NNMT: variants seen among roughly 807,000 people sequenced by gnomAD.
NNMT encodes nicotinamide N-methyltransferase.
In NNMT, 10 loss-of-function variants were observed where a neutral mutation model predicts 11.7. The ratio of observed to expected loss-of-function variants is 0.85; its 90% CI spans 0.53 to 1.45. The LOEUF (loss-of-function observed/expected upper bound fraction) is 1.45, where lower values mean the gene tolerates loss of function less well. Among genes scored for constraint, NNMT ranks in the 40% most tolerant of loss-of-function variants. The probability of loss-of-function intolerance (pLI) is 0.00; values close to 1 mark genes in which losing one functional copy is unlikely to be tolerated. For synonymous variants in NNMT, 143 were observed against 133.8 expected (o/e 1.07, Z -0.48); for missense variants, 381 against 319.4 (o/e 1.19, Z -1.47).
intron 2 of NNMT, among the ~76,000 whole-genome samples, chr11:114,288,966 T>C (rs1945317110): frequency 6.6e-6 from 1 of 152,182 alleles, no homozygotes; most frequent in African/African-American, 2.4e-5. Context: ...TATTTTCTCT[T>C]TTTGTATTCT....
chr11:114,282,732 A>G (rs1052336598), intron 2 of NNMT, among the ~76,000 whole-genome samples: 15 of 152,184 alleles, frequency 9.9e-5, no homozygotes, highest in African/African-American at 3.4e-4. Context: ...AGAGAATCCA[A>G]TGGAAGGCTC....
intron 2 of NNMT, among the ~76,000 whole-genome samples, chr11:114,284,602 T>TACAG (rs1272482521): frequency 1.3e-5 from 2 of 151,938 alleles, no homozygotes; most frequent in Non-Finnish European, 2.9e-5. Flanking sequence ...TAGCTGGGAC[T>TACAG]ACAGGCATGT....
At chr11:114,292,910 C>G (rs910855308), upstream of NNMT, among the ~76,000 whole-genome samples, 2 of 152,058 alleles carry the variant, frequency 1.3e-5, no homozygotes, top group Non-Finnish European at 2.9e-5. Flanking sequence ...GGCACATTTC[C>G]CAAGGTAAGG....
chr11:114,264,115 G>A (rs1945103173), intron 2 of NNMT, among the ~76,000 whole-genome samples: 1 of 151,878 alleles, frequency 6.6e-6, no homozygotes, highest in Admixed American at 6.6e-5. Context: ...CAAGCCCTTT[G>A]CTCCTGTGCT....
chr11:114,271,135 G>A (rs1406074719), intron 2 of NNMT, among the ~76,000 whole-genome samples: 1 of 152,136 alleles, frequency 6.6e-6, no homozygotes, highest in Non-Finnish European at 1.5e-5. Flanking sequence ...GGGGCCAAGG[G>A]GTTCAACATA....
At chr11:114,278,224 G>A (rs978707836) in intron 2 of NNMT, among the ~76,000 whole-genome samples, 5 of 152,060 alleles carry the variant, frequency 3.3e-5, no homozygotes, top group Non-Finnish European at 7.4e-5. Flanking sequence ...TTCACACGGC[G>A]AGAGAGGGAG....
intron 2 of NNMT, among the ~76,000 whole-genome samples, chr11:114,287,085 T>C (rs1945305630): frequency 6.6e-6 from 1 of 152,228 alleles, no homozygotes; most frequent in African/African-American, 2.4e-5. Context: ...TTGTTTTCTT[T>C]ATTTTCATAT....
At chr11:114,294,450 C>A (rs553146336), upstream of NNMT, among the ~76,000 whole-genome samples, 4 of 139,118 alleles carry the variant, frequency 2.9e-5, no homozygotes, top group African/African-American at 1.1e-4. Flanking sequence ...TGCACTCCAG[C>A]CTGGGTGACA....
chr11:114,296,855 T>C (rs1271704691), intron 1 of NNMT, 145 bp downstream of exon 1: 10 of 775,916 alleles, frequency 1.3e-5, no homozygotes, highest in Admixed American at 2.4e-5. Context: ...AAACGAATAT[T>C]GGTATAGCGA....
intron 2 of NNMT, among the ~76,000 whole-genome samples, chr11:114,289,311 T>C (rs1370366004): frequency 2.0e-5 from 3 of 152,216 alleles, no homozygotes; most frequent in Non-Finnish European, 4.4e-5. Flanking sequence ...AGAAATTTGT[T>C]AATTGTATTT....
At chr11:114,298,342 G>C in intron 2 of NNMT, 184 bp downstream of exon 2, 1 of 585,090 alleles carries the variant, frequency 1.7e-6, no homozygotes, top group Non-Finnish European at 3.0e-6. Context: ...GTATGTGCAC[G>C]TGCATGTGTG....
At chr11:114,295,210 G>A (rs1945363723), upstream of NNMT, among the ~76,000 whole-genome samples, 1 of 152,144 alleles carries the variant, frequency 6.6e-6, no homozygotes, top group South Asian at 2.1e-4. Flanking sequence ...CCCAAGGTGG[G>A]ACACCCGGCA....
chr11:114,277,930 C>T (rs1945226492), intron 2 of NNMT, among the ~76,000 whole-genome samples: 1 of 152,214 alleles, frequency 6.6e-6, no homozygotes, highest in South Asian at 2.1e-4. Flanking sequence ...CATTCTGCCT[C>T]ATGCACCTAC....
chr11:114,279,087 C>T lies in NNMT; in HGVS notation c.-130+16153C>T, dbSNP rs143724279. ...ACCTGGTGTTAGTTATGTGAACATT[C>T]ACATTGGGAGACTATTGGCTCCTTT... On this transcript the variant is annotated intron_variant, in intron 2 of 4. Transcript: ENST00000535401. Among the ~76,000 whole-genome samples, 74 of 152,252 alleles carry T rather than the reference C, an allele frequency of 4.9e-4. No homozygotes were observed. The South Asian group carries it at 0.015, about 31-fold the overall frequency.
upstream of NNMT, chr11:114,296,361 C>T: frequency 3.5e-6 from 2 of 577,030 alleles, no homozygotes; most frequent in Non-Finnish European, 6.0e-6. Flanking sequence ...TCATCATTTC[C>T]TAGAACAGCC....
At chr11:114,261,451 G>A (rs944754046) in intron 1 of NNMT, among the ~76,000 whole-genome samples, 3 of 152,194 alleles carry the variant, frequency 2.0e-5, no homozygotes, top group South Asian at 4.1e-4. Flanking sequence ...GGGTGTGGTG[G>A]TGCATGCCTG....
intron 1 of NNMT, among the ~76,000 whole-genome samples, chr11:114,260,878 A>G (rs1376357233): frequency 6.6e-6 from 1 of 152,220 alleles, no homozygotes; most frequent in Non-Finnish European, 1.5e-5. Context: ...GTTTGAGGCC[A>G]GCTCTGCTGT....
intron 2 of NNMT, among the ~76,000 whole-genome samples, chr11:114,289,336 C>A (rs1474935243): frequency 1.3e-5 from 2 of 152,276 alleles, no homozygotes; most frequent in Non-Finnish European, 2.9e-5. Flanking sequence ...TTTCAGAGAA[C>A]CAACTTTTGG....
intron 2 of NNMT, among the ~76,000 whole-genome samples, chr11:114,277,589 C>A (rs185473780): frequency 1.8e-4 from 28 of 152,228 alleles, no homozygotes; most frequent in Middle Eastern, 3.4e-3. Flanking sequence ...GGGTGAAGAG[C>A]AGGAATTCCC....
Sources: gnomAD v4.1 joint callset for allele counts (sites outside exome capture counted in the v4.1 genomes callset) on GRCh38, gnomAD v4.1.1 for gene constraint, MANE v1.5 for transcripts, NCBI Gene and HGNC (gene_info 2026-07-23, HGNC 2026-07-21) for gene names.